Variants in ADAM23 observed in about 807,000 individuals in gnomAD.
The protein encoded by ADAM23 is disintegrin and metalloproteinase domain-containing protein 23.
A neutral mutation model predicts 120.1 loss-of-function variants in ADAM23; 33 were observed. That is an observed-to-expected ratio of 0.27 (90% CI 0.21 to 0.37). The LOEUF (loss-of-function observed/expected upper bound fraction) is 0.37. Among genes scored for constraint, ADAM23 ranks in the 10% least tolerant of loss-of-function variants. The pLI is 1.00. For missense variants in ADAM23, 862 were observed against 1,058.2 expected, an observed-to-expected ratio of 0.81 and a Z score of 2.57; for synonymous variants, 367 against 375.2, an observed-to-expected ratio of 0.98 and a Z score of 0.25.
At chr2:206,562,126 G>T in intron 12 of ADAM23, 77 bp from the exon 13 acceptor site, 1 of 1,247,848 alleles carries the variant, frequency 8.0e-7, no homozygotes. Flanking sequence ...AAGATTTGTG[G>T]TAACAATTAA....
intron 2 of ADAM23, among the ~76,000 whole-genome samples, chr2:206,465,342 C>G (rs952669028): frequency 6.6e-6 from 1 of 152,208 alleles, no homozygotes; most frequent in East Asian, 1.9e-4. Context: ...ATCTGGCCTA[C>G]GTTCTTGCAG....
At chr2:206,570,639 CAT>C in intron 15 of ADAM23, 99 bp from the exon 16 acceptor site, 1 of 847,576 alleles carries the variant, frequency 1.2e-6, no homozygotes, top group African/African-American at 1.7e-5. Context: ...AAGAATATCA[CAT>C]GATAGCTGAT....
Position 206,567,334 on chromosome 2 carries a change from A to T in ADAM23, c.1494+12A>T. 1 of 1,591,556 alleles carries T rather than the reference A, an allele frequency of 6.3e-7. No individual in the cohort carries two copies. Among genetic ancestry groups the T allele is most frequent in the Non-Finnish European group, 8.6e-7 (1 of 1,159,936 alleles). ...ACAGGCCAACAAAGGTTAGTAACTT[A>T]GAAAGCATACTAAGAAAGTATATTA... On this transcript the variant is annotated intron_variant, in intron 15 of 25. Transcript: ENST00000264377.
chr2:206,538,442 G>A (rs905167963), intron 4 of ADAM23, among the ~76,000 whole-genome samples: 10 of 152,138 alleles, frequency 6.6e-5, no homozygotes, highest in Admixed American at 2.0e-4. Context: ...ATAATCATTT[G>A]AGTATAGTGT....
chr2:206,584,188 G>C (rs906071922), intron 18 of ADAM23, among the ~76,000 whole-genome samples: 1 of 152,194 alleles, frequency 6.6e-6, no homozygotes, highest in East Asian at 1.9e-4. Flanking sequence ...GGGGTTGTCT[G>C]CACAGAGTTC....
intron 3 of ADAM23, among the ~76,000 whole-genome samples, chr2:206,499,553 T>C (rs984728138): frequency 2.2e-4 from 34 of 151,360 alleles, no homozygotes; most frequent in Admixed American, 5.3e-4. Context: ...GACGAGTTAA[T>C]GGGTGCAGCA....
intron 2 of ADAM23, among the ~76,000 whole-genome samples, chr2:206,449,051 A>T (rs11683691): frequency 6.6e-6 from 1 of 151,844 alleles, no homozygotes; most frequent in South Asian, 2.1e-4. Flanking sequence ...AGTGGATCTG[A>T]CGCTGTCTCC....
rs756626481 is a variant in ADAM23, at chr2:206,445,362, C to T, written c.270C>T (p.Asp90=). Residue 90 remains aspartate (D), a synonymous_variant, in exon 2 of 26, where the codon GAC becomes GAT. Coordinates refer to ENST00000264377, the MANE Select transcript of ADAM23 (RefSeq NM_003812.4). The part of the protein sequence containing the change: ...EKNLGVLADE[D]NTLQQNSSSN... The stretch of plus-strand genomic sequence containing the variant: ...ATTTGGGAGTCCTGGCAGATGAAGA[C>T]AATACATTGCAACAGAATAGCAGCA... 3 of 1,613,952 alleles carry T rather than the reference C, an allele frequency of 1.9e-6. No homozygotes were observed. Among genetic ancestry groups the T allele is most frequent in the African/African-American group, 2.7e-5 (2 of 74,956 alleles).
At chr2:206,452,822 A>G (rs1010755450) in intron 2 of ADAM23, among the ~76,000 whole-genome samples, 22 of 149,684 alleles carry the variant, frequency 1.5e-4, no homozygotes, top group African/African-American at 5.4e-4. Context: ...GTCATCTTTG[A>G]CTCCTCCCTC....
chr2:206,535,322 G>A (rs998364765), intron 4 of ADAM23, among the ~76,000 whole-genome samples: 1 of 152,214 alleles, frequency 6.6e-6, no homozygotes, highest in Non-Finnish European at 1.5e-5. Flanking sequence ...TGTCGAGATT[G>A]TGGAGAGATT....
At chr2:206,516,438 AAAC>A (rs1428582145) in intron 3 of ADAM23, among the ~76,000 whole-genome samples, 1 of 152,144 alleles carries the variant, frequency 6.6e-6, no homozygotes, top group Non-Finnish European at 1.5e-5. Flanking sequence ...TGGGAAGCTT[AAAC>A]AACATTTATT....
chr2:206,486,909 T>C (rs1340675518), intron 3 of ADAM23, among the ~76,000 whole-genome samples: 3 of 152,194 alleles, frequency 2.0e-5, no homozygotes. Context: ...CTTAGGCCCC[T>C]GGTGACCGCT....
At chr2:206,497,433 C>G (rs1210169754) in intron 3 of ADAM23, among the ~76,000 whole-genome samples, 2 of 152,128 alleles carry the variant, frequency 1.3e-5, no homozygotes, top group African/African-American at 4.8e-5. Flanking sequence ...GCAGAAAAGG[C>G]CTTTGAAAAA....
intron 3 of ADAM23, among the ~76,000 whole-genome samples, chr2:206,525,122 C>T (rs1432904595): frequency 1.3e-5 from 2 of 152,064 alleles, no homozygotes; most frequent in African/African-American, 4.8e-5. Context: ...CCACAAATGC[C>T]CTAGTTTGGA....
In ADAM23 at chr2:206,550,169, A is replaced by G; in HGVS notation, c.933+9A>G. The G allele has an allele frequency of 1.3e-6, 2 of 1,539,132 alleles. No individual in the cohort carries two copies. The highest frequency in any genetic ancestry group is 1.8e-6 in the Non-Finnish European group (2 of 1,118,312). On this transcript the variant is annotated intron_variant, in intron 9 of 25. Transcript: ENST00000264377. ...TTAATGATCACAAAACGGTAAGAAT[A>G]TAGAGTCAGTGGGTTTTAGAACAGA...
chr2:206,481,953 T>C (rs1198128133), intron 3 of ADAM23, among the ~76,000 whole-genome samples: 1 of 152,218 alleles, frequency 6.6e-6, no homozygotes, highest in Non-Finnish European at 1.5e-5. Context: ...GATCTAGCAG[T>C]GAGCCTTTCT....
At chr2:206,558,918 GGTTT>G (rs1412593604) in intron 10 of ADAM23, among the ~76,000 whole-genome samples, 1 of 144,482 alleles carries the variant, frequency 6.9e-6, no homozygotes, top group African/African-American at 2.6e-5. Flanking sequence ...ATCATCCATT[GGTTT>G]TTGTTTGTTT....
intron 9 of ADAM23, among the ~76,000 whole-genome samples, chr2:206,554,096 A>T (rs1697589885): frequency 6.6e-6 from 1 of 152,224 alleles, no homozygotes; most frequent in South Asian, 2.1e-4. Flanking sequence ...GTTCTAATTC[A>T]TGCAGGAAAT....
At chr2:206,563,011 A>G (rs72956609) in intron 13 of ADAM23, among the ~76,000 whole-genome samples, 8,732 of 152,338 alleles carry the variant, frequency 0.057, 373 homozygotes, top group Admixed American at 0.15. Flanking sequence ...TGAAGGGTCC[A>G]TGAAAAATGT....
Sources: allele counts gnomAD v4.1 joint callset (sites outside exome capture counted in the v4.1 genomes callset), GRCh38; gene constraint gnomAD v4.1.1; transcripts MANE v1.5; gene names NCBI Gene and HGNC (gene_info 2026-07-23, HGNC 2026-07-21).